Variants in ME1 observed in about 807,000 individuals in gnomAD.
ME1 encodes malic enzyme 1, also known as NADP-dependent malic enzyme.
A neutral mutation model predicts 66.4 loss-of-function variants in ME1; 74 were observed. The observed-to-expected ratio is 1.11, with a 90% CI of 0.92 to 1.35. The LOEUF is 1.35. ME1 is among the 40% of genes most tolerant of loss of function. The pLI, the probability that ME1 is intolerant of heterozygous loss-of-function variation, is 0.00. For missense variants in ME1, 750 were observed against 694.1 expected (o/e 1.08, Z -0.90); for synonymous variants, 251 against 235.6 (o/e 1.07, Z -0.60).
chr6:83,360,315 A>G (rs920090240), intron 3 of ME1, among the ~76,000 whole-genome samples: 2 of 152,204 alleles, frequency 1.3e-5, no homozygotes, highest in African/African-American at 4.8e-5. Context: ...GGAAATGATC[A>G]GACATTTTGG....
chr6:83,362,116 G>A (rs544956950), intron 3 of ME1, among the ~76,000 whole-genome samples: 3 of 152,318 alleles, frequency 2.0e-5, no homozygotes, highest in Admixed American at 6.5e-5. Context: ...CAGCAGTGAA[G>A]GGAAATCTTC....
At chr6:83,379,174 A>T (rs1015059466) in intron 3 of ME1, among the ~76,000 whole-genome samples, 5 of 152,144 alleles carry the variant, frequency 3.3e-5, no homozygotes, top group South Asian at 2.1e-4. Context: ...TAACAGTCAC[A>T]TGTTAGGAAT....
chr6:83,415,190 G>A (rs1470017649), intron 1 of ME1, among the ~76,000 whole-genome samples: 1 of 152,144 alleles, frequency 6.6e-6, no homozygotes, highest in Non-Finnish European at 1.5e-5. Flanking sequence ...CCTCTATTGT[G>A]TCTTGATTTC....
chr6:83,236,050 A>G lies in ME1; in HGVS notation c.1026+1667T>C, dbSNP rs143214665. Among the ~76,000 whole-genome samples the G allele has an allele frequency of 7.7e-3, 1,168 of 152,196 alleles. 13 individuals are homozygous for G. The highest frequency in any genetic ancestry group is 0.022 in the South Asian group (108 of 4,824). Reference sequence around the variant, plus strand: ...CATATACAACTGTATTTTAAATAAAAAATAATATATACTATGGTATTTGTT... The same window carrying G: ...CATATACAACTGTATTTTAAATAAAGAATAATATATACTATGGTATTTGTT... On this transcript the variant is annotated intron_variant, in intron 9 of 13. Transcript: ENST00000369705.
At chr6:83,307,646 G>A (rs541358547) in intron 6 of ME1, among the ~76,000 whole-genome samples, 1 of 152,088 alleles carries the variant, frequency 6.6e-6, no homozygotes, top group African/African-American at 2.4e-5. Context: ...GGCATAAAAA[G>A]CAATGATTAG....
At chr6:83,284,656 A>G (rs575687360) in intron 6 of ME1, among the ~76,000 whole-genome samples, 1 of 152,314 alleles carries the variant, frequency 6.6e-6, no homozygotes, top group East Asian at 1.9e-4. Context: ...ACATCCCTTC[A>G]TTATAAAAAA....
chr6:83,274,607 T>C (rs996501202), intron 6 of ME1, among the ~76,000 whole-genome samples: 5 of 152,352 alleles, frequency 3.3e-5, no homozygotes, highest in Admixed American at 3.3e-4. Flanking sequence ...TAGAAGGCCA[T>C]TTAAACTACC....
chr6:83,283,952 G>T (rs1319786125), intron 6 of ME1, among the ~76,000 whole-genome samples: 1 of 152,130 alleles, frequency 6.6e-6, no homozygotes, highest in East Asian at 1.9e-4. Context: ...TCAAAAGTTG[G>T]TTCTTTGAAA....
In ME1 at chr6:83,398,528, G is replaced by T; in HGVS notation, c.213-12C>A. 2 of 1,461,194 alleles carry T rather than the reference G, an allele frequency of 1.4e-6. No homozygotes were observed. Among genetic ancestry groups the T allele is most frequent in the Non-Finnish European group, 1.9e-6 (2 of 1,073,968 alleles). The allele number at this position is 1,461,194 out of a possible 1,614,324, so 90.5% of individuals were successfully genotyped here. ...TTAAGAGAAGATACCTGTAAAAATTGGACATAATTAGATCTACATCCCATA... is the reference window on the plus strand; with the variant it reads ...TTAAGAGAAGATACCTGTAAAAATTTGACATAATTAGATCTACATCCCATA... On this transcript the variant is annotated splice_polypyrimidine_tract_variant and intron_variant, in intron 2 of 13. Transcript: ENST00000369705.
chr6:83,329,105 G>A (rs1768357971), intron 5 of ME1, among the ~76,000 whole-genome samples: 1 of 151,924 alleles, frequency 6.6e-6, no homozygotes, highest in African/African-American at 2.4e-5. Context: ...ACGTGTCTGA[G>A]AATTTAAAAA....
chr6:83,238,715 T>C (rs1790456757), intron 8 of ME1, among the ~76,000 whole-genome samples: 1 of 151,430 alleles, frequency 6.6e-6, no homozygotes, highest in Non-Finnish European at 1.5e-5. Flanking sequence ...TGAAAACCAA[T>C]ATGACATAAA....
At chr6:83,325,244 CCA>C (rs1457292511) in intron 5 of ME1, among the ~76,000 whole-genome samples, 1 of 152,066 alleles carries the variant, frequency 6.6e-6, no homozygotes, top group Non-Finnish European at 1.5e-5. Flanking sequence ...TATGCTAAAC[CCA>C]CAGCCAATAT....
intron 6 of ME1, among the ~76,000 whole-genome samples, chr6:83,297,382 G>A (rs956338439): frequency 6.6e-6 from 1 of 152,156 alleles, no homozygotes; most frequent in African/African-American, 2.4e-5. Context: ...TGGCCGTACT[G>A]CCCAAAGCAA....
chr6:83,392,624 A>G, intron 3 of ME1: 1 of 580,952 alleles, frequency 1.7e-6, no homozygotes, highest in Non-Finnish European at 3.3e-6. Flanking sequence ...CTTGTTATCA[A>G]TGGAAATCTC....
chr6:83,344,252 C>T (rs1433797752), intron 5 of ME1, among the ~76,000 whole-genome samples: 1 of 146,646 alleles, frequency 6.8e-6, no homozygotes, highest in Admixed American at 7.0e-5. Context: ...TGCCACTGCA[C>T]TACAGCCTGG....
intron 6 of ME1, among the ~76,000 whole-genome samples, chr6:83,287,038 A>G (rs981015219): frequency 6.6e-6 from 1 of 152,246 alleles, no homozygotes; most frequent in African/African-American, 2.4e-5. Context: ...AGGTTAGTAT[A>G]TAACACTAAA....
At chr6:83,238,768 A>G (rs1422441909) in intron 8 of ME1, among the ~76,000 whole-genome samples, 1 of 144,360 alleles carries the variant, frequency 6.9e-6, no homozygotes, top group Non-Finnish European at 1.5e-5. Flanking sequence ...TCATAATCAT[A>G]TTCAATTTGA....
intron 2 of ME1, among the ~76,000 whole-genome samples, chr6:83,403,844 G>T (rs1769881566): frequency 6.6e-6 from 1 of 152,118 alleles, no homozygotes; most frequent in African/African-American, 2.4e-5. Context: ...TCTTTTTAAT[G>T]GCTGCATAGC....
intron 1 of ME1, among the ~76,000 whole-genome samples, chr6:83,419,827 C>T (rs1254287323): frequency 6.6e-6 from 1 of 152,170 alleles, no homozygotes; most frequent in Non-Finnish European, 1.5e-5. Context: ...TTTCCCTCTT[C>T]CTTTCCAGGA....
Sources: gnomAD v4.1 joint callset for allele counts (sites outside exome capture counted in the v4.1 genomes callset) on GRCh38, gnomAD v4.1.1 for gene constraint, MANE v1.5 for transcripts, NCBI Gene and HGNC (gene_info 2026-07-23, HGNC 2026-07-21) for gene names.